LCP2: variants seen among roughly 807,000 people sequenced by gnomAD.
LCP2 encodes 76 kDa tyrosine phosphoprotein.
In LCP2, 29 loss-of-function variants were observed where a neutral mutation model predicts 74.5. The observed-to-expected ratio is 0.39, with a 90% CI of 0.29 to 0.53. The LOEUF is 0.53. Ranked by LOEUF, LCP2 falls within the 20% of genes least tolerant of loss-of-function variation. LCP2 has a pLI of 0.72. For synonymous variants in LCP2, 228 were observed against 229.5 expected (o/e 0.99, Z 0.06); for missense variants, 604 against 634.6 (o/e 0.95, Z 0.52).
intron 8 of LCP2, chr5:170,267,412 C>T: frequency 5.0e-6 from 2 of 402,358 alleles, no homozygotes; most frequent in South Asian, 2.7e-5. Context: ...TTCCTGTGAT[C>T]CCTTCTCAGT....
At position 170,258,881 on chromosome 5, in the gene LCP2, G is replaced by A; in HGVS notation, c.958-3C>T. 2 of 1,576,136 alleles carry A rather than the reference G, an allele frequency of 1.3e-6. No individual in the cohort carries two copies. Among genetic ancestry groups the A allele is most frequent in the South Asian group, 1.1e-5 (1 of 87,008 alleles). On this transcript the variant is annotated splice_region_variant and splice_polypyrimidine_tract_variant and intron_variant, in intron 14 of 20. Transcript: ENST00000046794. Reference sequence around the variant, plus strand: ...CCGAACATACCATCATCTTCATCCTGGGAAGGGGAAGAAAAAAAAAGATAT... The same window carrying A: ...CCGAACATACCATCATCTTCATCCTAGGAAGGGGAAGAAAAAAAAAGATAT...
chr5:170,255,739 C>T (rs1761537909), intron 17 of LCP2, among the ~76,000 whole-genome samples: 1 of 152,190 alleles, frequency 6.6e-6, no homozygotes, highest in Non-Finnish European at 1.5e-5. Flanking sequence ...CCAGCAGTCA[C>T]AGCATCGCAT....
In LCP2 at chr5:170,256,264, A is replaced by G. The variant is rs1289419934; in HGVS notation, c.1150+262T>C. On this transcript the variant is annotated intron_variant, in intron 17 of 20. Coordinates refer to ENST00000046794, the MANE Select transcript of LCP2 (RefSeq NM_005565.5). The surrounding 1 kb of genome is among the most constrained non-coding windows in gnomAD (Gnocchi z 4.5). ...TGTATATATGTGTACATGTGTATGC[A>G]TGTGTGTGTGTGCATGTATATGTGC... Among the ~76,000 whole-genome samples the G allele has an allele frequency of 1.3e-5, 2 of 151,982 alleles. No individual in the cohort carries two copies. Among genetic ancestry groups the G allele is most frequent in the African/African-American group, 4.8e-5 (2 of 41,366 alleles).
chr5:170,249,719 C>A (rs1761389526), intron 20 of LCP2, among the ~76,000 whole-genome samples: 1 of 152,124 alleles, frequency 6.6e-6, no homozygotes, highest in African/African-American at 2.4e-5. Flanking sequence ...CCTGGATCGC[C>A]CCAGCCTTGA....
intron 4 of LCP2, chr5:170,275,590 G>T: frequency 3.1e-6 from 2 of 643,394 alleles, no homozygotes; most frequent in Middle Eastern, 4.2e-4. Context: ...TGTAGAGGAA[G>T]TTCCCCTGAT....
chr5:170,267,419 C>T (rs1372898270), intron 8 of LCP2: 2 of 378,890 alleles, frequency 5.3e-6, no homozygotes, highest in Non-Finnish European at 9.8e-6. Context: ...GATCCCTTCT[C>T]AGTACTCATG....
chr5:170,264,756 G>C (rs1337688647), intron 10 of LCP2, among the ~76,000 whole-genome samples: 2 of 151,986 alleles, frequency 1.3e-5, no homozygotes, highest in Non-Finnish European at 2.9e-5. Context: ...CTATGATGCT[G>C]TCACTGCACT....
intron 3 of LCP2, among the ~76,000 whole-genome samples, chr5:170,284,612 T>A (rs1350886811): frequency 2.6e-5 from 4 of 152,130 alleles, no homozygotes; most frequent in Admixed American, 2.0e-4. Context: ...TTTCATCCAG[T>A]TTGAAAAATT....
At chr5:170,282,993 A>G (rs1762129479) in intron 3 of LCP2, among the ~76,000 whole-genome samples, 1 of 152,236 alleles carries the variant, frequency 6.6e-6, no homozygotes, top group Non-Finnish European at 1.5e-5. Flanking sequence ...GATGTGTCCC[A>G]GGTCACACAA....
chr5:170,263,045 A>G (rs1761688847), intron 10 of LCP2, 53 bp from the exon 11 acceptor site: 1 of 1,596,080 alleles, frequency 6.3e-7, no homozygotes, highest in African/African-American at 1.3e-5. Flanking sequence ...CATAAGCATG[A>G]GGTTTAAAAA....
rs1475824598 is a variant in LCP2, at chr5:170,253,204, T to C, written c.1160A>G (p.Asn387Ser). The C allele has an allele frequency of 6.2e-7, 1 of 1,603,602 alleles. No individual in the cohort carries two copies. The highest frequency in any genetic ancestry group is 1.3e-5 in the African/African-American group (1 of 74,788). The part of the protein sequence containing the change: ...LPPYFSQGPS[N>S]RPPIRAEGRN... The stretch of plus-strand genomic sequence containing the variant: ...GCCTTCGGCTCTGATAGGTGGTCTG[T>C]TGCTAGGGCCTTCAAAAGTATAGAA... The change falls in exon 18 of 21, where the codon AAC becomes AGC. Residue 387 changes from asparagine (N) to serine (S), a missense_variant. Transcript: ENST00000046794.
chr5:170,293,996 G>A (rs151290943), intron 1 of LCP2, among the ~76,000 whole-genome samples: 30 of 152,286 alleles, frequency 2.0e-4, no homozygotes, highest in African/African-American at 7.2e-4. Flanking sequence ...AGCTTTCTGT[G>A]TGGCAGGCAG....
At chr5:170,270,694 A>G in intron 7 of LCP2, 25 bp downstream of exon 7, 1 of 1,540,182 alleles carries the variant, frequency 6.5e-7, no homozygotes, top group Non-Finnish European at 8.7e-7. Flanking sequence ...TGCTCGGGCC[A>G]GAAAATCCGG....
chr5:170,290,507 T>C (rs1199364172), intron 2 of LCP2, among the ~76,000 whole-genome samples: 1 of 152,158 alleles, frequency 6.6e-6, no homozygotes, highest in African/African-American at 2.4e-5. Context: ...ACTACTTCCC[T>C]GGAAAAAAGG....
Position 170,297,663 on chromosome 5 carries a change from T to G in LCP2, c.-52A>C. 6.7e-7 allele frequency: 1 copy of G among 1,501,020 alleles called. No individual in the cohort carries two copies. The highest frequency in any genetic ancestry group is 9.1e-7 in the Non-Finnish European group (1 of 1,100,188). The allele number at this position is 1,501,020 out of a possible 1,614,324, so 93.0% of individuals were successfully genotyped here. A position where few individuals can be genotyped will look rare whatever the true frequency, so the allele number is the denominator to read the frequency against. On this transcript the variant is annotated 5_prime_UTR_variant, in exon 1 of 21. An upstream start codon of the reference 5' UTR is lost. Transcript: ENST00000046794. ...AAGCTGAGCATGGGCGCTTCACCCA[T>G]GGGCAGAGAAGCTCAAATCCAGAGC...
intron 3 of LCP2, among the ~76,000 whole-genome samples, chr5:170,282,513 A>C (rs1442142772): frequency 6.6e-6 from 1 of 152,128 alleles, no homozygotes; most frequent in Non-Finnish European, 1.5e-5. Context: ...GTGGGAGGCA[A>C]AGTCAGCTTT....
intron 3 of LCP2, among the ~76,000 whole-genome samples, chr5:170,280,560 G>T (rs1010679780): frequency 6.6e-6 from 1 of 152,208 alleles, no homozygotes; most frequent in African/African-American, 2.4e-5. Context: ...GGTCGAGAGT[G>T]TAAGAGTAGG....
intron 6 of LCP2, among the ~76,000 whole-genome samples, chr5:170,272,663 A>AGTG (rs922015493): frequency 3.5e-5 from 4 of 113,704 alleles, no homozygotes; most frequent in African/African-American, 1.4e-4. Context: ...AGGCTGGAGT[A>AGTG]GTGCAATGGT....
In LCP2 at chr5:170,248,393, A is replaced by G. The variant is rs1761347543; in HGVS notation, c.*304T>C. The G allele has an allele frequency of 3.9e-6, 1 of 256,762 alleles. No homozygotes were observed. The highest frequency in any genetic ancestry group is 5.8e-5 in the Admixed American group (1 of 17,112). 15.9% of individuals were successfully genotyped at this position (256,762 alleles called of 1,614,324 possible). On this transcript the variant is annotated 3_prime_UTR_variant, in exon 21 of 21. Transcript: ENST00000046794. ...CCCCAAATTGTTTCTGTAGCTGTGT[A>G]AACTACTGTATTTTGAAATGGGCAT...
Sources: allele counts gnomAD v4.1 joint callset (sites outside exome capture counted in the v4.1 genomes callset), GRCh38; gene constraint gnomAD v4.1.1; non-coding constraint Gnocchi (gnomAD v3.1); transcripts MANE v1.5; gene names NCBI Gene and HGNC (gene_info 2026-07-23, HGNC 2026-07-21).